The following RALYL variants were observed in gnomAD, a reference collection of about 807,000 sequenced individuals.
The protein encoded by RALYL is RNA-binding Raly-like protein.
A neutral mutation model predicts 35.1 loss-of-function variants in RALYL; 29 were observed. That is an observed-to-expected ratio of 0.83 (90% CI 0.61 to 1.13). The LOEUF (loss-of-function observed/expected upper bound fraction) is 1.13, where lower values mean the gene tolerates loss of function less well. Among genes scored for constraint, RALYL ranks in the 50% most tolerant of loss-of-function variants. The probability of loss-of-function intolerance (pLI) is 0.00; values close to 1 mark genes in which losing one functional copy is unlikely to be tolerated. For synonymous variants in RALYL, 120 were observed against 127.6 expected (o/e 0.94, Z 0.40); for missense variants, 359 against 360.4 (o/e 1.00, Z 0.03).
intron 7 of RALYL, among the ~76,000 whole-genome samples, chr8:84,881,164 A>C (rs1385375226): frequency 1.3e-5 from 2 of 151,940 alleles, no homozygotes; most frequent in African/African-American, 2.4e-5. Flanking sequence ...TTCATCTAAA[A>C]CATTCTATGT....
At chr8:84,576,866 A>T (rs528362267) in intron 2 of RALYL, among the ~76,000 whole-genome samples, 1 of 152,188 alleles carries the variant, frequency 6.6e-6, no homozygotes, top group East Asian at 1.9e-4. Context: ...TGTGACTGCA[A>T]CTCTAAACCT....
At chr8:84,659,154 G>A (rs1462220103) in intron 2 of RALYL, among the ~76,000 whole-genome samples, 1 of 152,094 alleles carries the variant, frequency 6.6e-6, no homozygotes, top group Non-Finnish European at 1.5e-5. Flanking sequence ...GATTCTCCAG[G>A]AAACAGACAC....
intron 1 of RALYL, among the ~76,000 whole-genome samples, chr8:84,383,896 T>C (rs1384837503): frequency 6.6e-6 from 1 of 151,550 alleles, no homozygotes; most frequent in Non-Finnish European, 1.5e-5. Context: ...AAGTTTCTGA[T>C]GTATGAAATT....
intron 1 of RALYL, among the ~76,000 whole-genome samples, chr8:84,393,559 G>A (rs1472977471): frequency 6.6e-6 from 1 of 152,014 alleles, no homozygotes; most frequent in East Asian, 1.9e-4. Context: ...TCAGGAGGAG[G>A]AGACCACTGG....
chr8:84,700,924 A>G (rs998649763), intron 2 of RALYL, among the ~76,000 whole-genome samples: 13 of 152,184 alleles, frequency 8.5e-5, no homozygotes, highest in Non-Finnish European at 1.8e-4. Flanking sequence ...TTATCCTTGA[A>G]AAAACCTGAG....
intron 4 of RALYL, among the ~76,000 whole-genome samples, chr8:84,834,241 T>C (rs1831495601): frequency 1.3e-5 from 2 of 152,096 alleles, no homozygotes; most frequent in African/African-American, 4.8e-5. Flanking sequence ...GTTGTGTCAG[T>C]CAGGATCTGC....
intron 2 of RALYL, among the ~76,000 whole-genome samples, chr8:84,634,741 A>G (rs1481224075): frequency 1.3e-5 from 2 of 151,774 alleles, no homozygotes; most frequent in Admixed American, 6.6e-5. Context: ...AAGAGAAGCC[A>G]TAGTATAGTG....
At chr8:84,444,648 G>A (rs1453255833) in intron 1 of RALYL, among the ~76,000 whole-genome samples, 1 of 152,034 alleles carries the variant, frequency 6.6e-6, no homozygotes, top group Non-Finnish European at 1.5e-5. Flanking sequence ...CAGATATAGT[G>A]GAACAAACAA....
At chr8:84,823,932 C>A (rs1829072348) in intron 4 of RALYL, among the ~76,000 whole-genome samples, 1 of 152,220 alleles carries the variant, frequency 6.6e-6, no homozygotes, top group Admixed American at 6.5e-5. Context: ...AAACTGGAAG[C>A]ATTCCCCCTA....
At chr8:84,610,855 T>C (rs1373221832) in intron 2 of RALYL, among the ~76,000 whole-genome samples, 1 of 152,164 alleles carries the variant, frequency 6.6e-6, no homozygotes, top group Non-Finnish European at 1.5e-5. Flanking sequence ...CACTTCGACG[T>C]CTCTCCGTCA....
At chr8:84,791,938 T>C (rs1431522439) in intron 3 of RALYL, among the ~76,000 whole-genome samples, 1 of 152,164 alleles carries the variant, frequency 6.6e-6, no homozygotes, top group African/African-American at 2.4e-5. Flanking sequence ...AGGGTGTGTC[T>C]CCTTCTGTCT....
chr8:84,750,906 G>A (rs1322648245), intron 2 of RALYL, among the ~76,000 whole-genome samples: 5 of 152,090 alleles, frequency 3.3e-5, no homozygotes, highest in African/African-American at 4.8e-5. Context: ...CTAGTTTCAT[G>A]TATTCTATTA....
intron 8 of RALYL, among the ~76,000 whole-genome samples, chr8:84,893,215 C>A (rs1027584701): frequency 6.6e-6 from 1 of 152,050 alleles, no homozygotes; most frequent in African/African-American, 2.4e-5. Flanking sequence ...ATTGAATAAA[C>A]AATATTCAAA....
At chr8:84,425,821 G>GTGTGTGTGTA (rs1250540354) in intron 1 of RALYL, among the ~76,000 whole-genome samples, 53 of 150,810 alleles carry the variant, frequency 3.5e-4, no homozygotes, top group African/African-American at 1.3e-3. Context: ...GTGTGTGTGT[G>GTGTGTGTGTA]TGTAAGTTGC....
At chr8:84,431,971 G>A (rs1224858600) in intron 1 of RALYL, among the ~76,000 whole-genome samples, 1 of 152,090 alleles carries the variant, frequency 6.6e-6, no homozygotes, top group Non-Finnish European at 1.5e-5. Context: ...TTAGAATCCT[G>A]TACACTGTTG....
intron 1 of RALYL, among the ~76,000 whole-genome samples, chr8:84,376,983 A>T (rs573946290): frequency 6.6e-6 from 1 of 152,000 alleles, no homozygotes; most frequent in South Asian, 2.1e-4. Flanking sequence ...TGAAGTAAAA[A>T]GTATTGTTTA....
At chr8:84,325,927 T>C (rs1192029419) in intron 1 of RALYL, among the ~76,000 whole-genome samples, 1 of 152,008 alleles carries the variant, frequency 6.6e-6, no homozygotes, top group African/African-American at 2.4e-5. Flanking sequence ...CTCAAGAGTT[T>C]GAGACCAGCC....
intron 2 of RALYL, among the ~76,000 whole-genome samples, chr8:84,557,455 T>C (rs377756292): frequency 6.6e-6 from 1 of 152,360 alleles, no homozygotes; most frequent in South Asian, 2.1e-4. Context: ...GCTGAGGAAT[T>C]AAATGACTAT....
At chr8:84,586,384 CAA>C (rs1375829617) in intron 2 of RALYL, among the ~76,000 whole-genome samples, 1 of 151,926 alleles carries the variant, frequency 6.6e-6, no homozygotes, top group Non-Finnish European at 1.5e-5. Flanking sequence ...TTAATTTATC[CAA>C]AGACATAGAG....
Sources: allele counts gnomAD v4.1 joint callset (sites outside exome capture counted in the v4.1 genomes callset), GRCh38; gene constraint gnomAD v4.1.1; transcripts MANE v1.5; gene names NCBI Gene and HGNC (gene_info 2026-07-23, HGNC 2026-07-21).